The following IL17D variants were observed in gnomAD, a reference collection of about 807,000 sequenced individuals.
IL17D encodes interleukin-17D.
A neutral mutation model predicts 5.7 loss-of-function variants in IL17D; 10 were observed. That is an observed-to-expected ratio of 1.75 (90% CI 1.08 to 2.97). The LOEUF is 2.97. IL17D is among the 30% of genes most tolerant of loss of function. IL17D has a pLI of 0.00. For missense variants in IL17D, 354 were observed against 292.7 expected, an observed-to-expected ratio of 1.21 and a Z score of -1.53; for synonymous variants, 172 against 141.7, an observed-to-expected ratio of 1.21 and a Z score of -1.52.
intron 1 of IL17D, among the ~76,000 whole-genome samples, chr13:20,708,231 A>G (rs2058605515): frequency 6.6e-6 from 1 of 152,230 alleles, no homozygotes; most frequent in African/African-American, 2.4e-5. Context: ...AGTCAGAGAG[A>G]ATGCTGAGAA....
chr13:20,722,215 C>G lies in IL17D; in HGVS notation c.*261C>G. The G allele has an allele frequency of 2.1e-6, 1 of 469,740 alleles. No individual in the cohort carries two copies. The highest frequency in any genetic ancestry group is 3.6e-5 in the East Asian group (1 of 27,544). 29.1% of individuals were successfully genotyped at this position (469,740 alleles called of 1,614,324 possible). A position where few individuals can be genotyped will look rare whatever the true frequency, so the allele number is the denominator to read the frequency against. On this transcript the variant is annotated 3_prime_UTR_variant, in exon 2 of 2. Transcript: ENST00000682841. ...CGGCACGGGCATCCTGTGTGCGGCC[C>G]GCATGGAGGGTTTGGAAAAGTTCAC...
Position 20,722,027 on chromosome 13 carries a change from C to A in IL17D, c.*73C>A, listed in dbSNP as rs929836531. 2.6e-5 allele frequency: 34 copies of A among 1,304,182 alleles called. No individual in the cohort carries two copies. The highest frequency in any genetic ancestry group is 3.0e-5 in the African/African-American group (2 of 66,938). 80.8% of individuals were successfully genotyped at this position (1,304,182 alleles called of 1,614,324 possible). On this transcript the variant is annotated 3_prime_UTR_variant, in exon 2 of 2. Coordinates refer to ENST00000682841, the MANE Select transcript of IL17D (RefSeq NM_001385224.1). Reference sequence around the variant, plus strand: ...CCAAGCTGGAGCCGCCTGGAGGGCTCGGTCGGCGACCTCTGAAGAGAGTGC... The same window carrying A: ...CCAAGCTGGAGCCGCCTGGAGGGCTAGGTCGGCGACCTCTGAAGAGAGTGC...
At chr13:20,712,019 A>G (rs1021197578) in intron 1 of IL17D, among the ~76,000 whole-genome samples, 1 of 152,136 alleles carries the variant, frequency 6.6e-6, no homozygotes. Flanking sequence ...CCTGTTTCCC[A>G]TGTGGGCTGT....
In IL17D at chr13:20,721,288, G is replaced by C. The variant is rs190625326; in HGVS notation, c.291-348G>C. ...TCGGGGTCTGCAGAGCCTTGCCGGC[G>C]GGAAGCAGCGGCTCCGGGGCCCTAG... On this transcript the variant is annotated intron_variant, in intron 1 of 1. Transcript: ENST00000682841. Among the ~76,000 whole-genome samples, 533 of 152,320 alleles carry C rather than the reference G, an allele frequency of 3.5e-3. 13 individuals carry two copies. Among genetic ancestry groups the C allele is most frequent in the Admixed American group, 0.033 (499 of 15,306 alleles).
At chr13:20,710,028 A>C (rs1295231567) in intron 1 of IL17D, among the ~76,000 whole-genome samples, 1 of 152,166 alleles carries the variant, frequency 6.6e-6, no homozygotes, top group Non-Finnish European at 1.5e-5. Context: ...GACAGACAGG[A>C]AATAGTAGAG....
In IL17D at chr13:20,716,304, A is replaced by G. The variant is rs2058679045; in HGVS notation, c.291-5332A>G. Among the ~76,000 whole-genome samples, 1 of 152,082 alleles carries G rather than the reference A, an allele frequency of 6.6e-6. No individual in the cohort carries two copies. The highest frequency in any genetic ancestry group is 2.4e-5 in the African/African-American group (1 of 41,392). On this transcript the variant is annotated intron_variant, in intron 1 of 1. Transcript: ENST00000682841. The surrounding 1 kb of genome is among the most constrained non-coding windows in gnomAD (Gnocchi z 4.2). ...TTTCTTTTTCAAAATTGTCTTGAGTATTCTTGGCCCTTTTCTTCTCTCTCT... is the reference window on the plus strand; with the variant it reads ...TTTCTTTTTCAAAATTGTCTTGAGTGTTCTTGGCCCTTTTCTTCTCTCTCT...
intron 1 of IL17D, among the ~76,000 whole-genome samples, chr13:20,715,014 TGTG>T (rs1329565168): frequency 1.3e-5 from 2 of 152,200 alleles, no homozygotes; most frequent in Non-Finnish European, 2.9e-5. Flanking sequence ...GTGCTTCCAA[TGTG>T]GTGGTCCTGC....
At chr13:20,714,410 G>A (rs7988941) in intron 1 of IL17D, among the ~76,000 whole-genome samples, 4 of 152,176 alleles carry the variant, frequency 2.6e-5, no homozygotes, top group South Asian at 4.1e-4. Flanking sequence ...GCTTGGCTGT[G>A]GGGGGCAGTG....
At chr13:20,718,496 A>C (rs2058697845) in intron 1 of IL17D, among the ~76,000 whole-genome samples, 3 of 108,896 alleles carry the variant, frequency 2.8e-5, no homozygotes, top group Non-Finnish European at 3.9e-5. Context: ...GCCCCCACAC[A>C]CCTGCCCACA....
At chr13:20,712,252 TATA>T (rs1188199281) in intron 1 of IL17D, among the ~76,000 whole-genome samples, 5 of 152,100 alleles carry the variant, frequency 3.3e-5, no homozygotes, top group African/African-American at 1.2e-4. Context: ...AGATTAGGAG[TATA>T]ATGTTAGAGA....
At chr13:20,702,269 T>C (rs2058551903), upstream of IL17D, 1 of 152,228 alleles carries the variant, frequency 6.6e-6, no homozygotes, top group African/African-American at 2.4e-5. Flanking sequence ...ACTGGAGATT[T>C]CAGTGAGATT....
chr13:20,722,028 G>T lies in IL17D; in HGVS notation c.*74G>T. ...CAAGCTGGAGCCGCCTGGAGGGCTC[G>T]GTCGGCGACCTCTGAAGAGAGTGCA... On this transcript the variant is annotated 3_prime_UTR_variant, in exon 2 of 2. Coordinates refer to ENST00000682841, the MANE Select transcript of IL17D (RefSeq NM_001385224.1). The T allele has an allele frequency of 1.5e-6, 2 of 1,302,698 alleles. No individual in the cohort carries two copies. Among genetic ancestry groups the T allele is most frequent in the South Asian group, 3.0e-5 (2 of 66,760 alleles). The allele number at this position is 1,302,698 out of a possible 1,614,324, so 80.7% of individuals were successfully genotyped here. A position where few individuals can be genotyped will look rare whatever the true frequency, so the allele number is the denominator to read the frequency against.
Position 20,703,884 on chromosome 13 carries a change from C to A in IL17D, c.-118C>A. ...TCCTCCGGGCCGGCCTCTGGCTCCG[C>A]GGGGCGAGGGGAGGCGCCCGCCGGC... is the stretch of plus-strand genomic sequence containing the variant. On this transcript the variant is annotated 5_prime_UTR_variant, in exon 1 of 2. Transcript: ENST00000682841. 2.5e-6 allele frequency: 1 copy of A among 392,720 alleles called. No homozygotes were observed. The highest frequency in any genetic ancestry group is 3.4e-6 in the Non-Finnish European group (1 of 291,208). 24.3% of individuals were successfully genotyped at this position (392,720 alleles called of 1,614,324 possible).
intron 1 of IL17D, among the ~76,000 whole-genome samples, chr13:20,710,586 G>T (rs550540821): frequency 9.3e-5 from 12 of 128,508 alleles, no homozygotes; most frequent in Non-Finnish European, 1.6e-4. Context: ...CTGAGATCGC[G>T]CCACTGCACT....
At position 20,708,843 on chromosome 13, in the gene IL17D, CAA is replaced by C. The variant is rs10644027; in HGVS notation, c.290+4568_290+4569del. 1.9e-4 allele frequency among the ~76,000 whole-genome samples: 21 copies of C among 111,800 alleles called. 1 individual carries two copies. The highest frequency in any genetic ancestry group is 4.7e-4 in the African/African-American group (14 of 29,504). The allele number at this position is 111,800 out of a possible 152,430, so 73.3% of individuals were successfully genotyped here. A position where few individuals can be genotyped will look rare whatever the true frequency, so the allele number is the denominator to read the frequency against. Reference sequence around the variant, plus strand: ...TGAAACCCCATCTCTACTAAAAATACAAAAAAAAAAAAAAAAATTAGCCAGGA... The same window carrying C: ...TGAAACCCCATCTCTACTAAAAATACAAAAAAAAAAAAAAATTAGCCAGGA... On this transcript the variant is annotated intron_variant, in intron 1 of 1. Coordinates refer to ENST00000682841, the MANE Select transcript of IL17D (RefSeq NM_001385224.1).
intron 1 of IL17D, among the ~76,000 whole-genome samples, chr13:20,719,339 C>G (rs1449688488): frequency 6.8e-6 from 1 of 146,348 alleles, no homozygotes. Flanking sequence ...CCACACTCAC[C>G]CACACACACC....
chr13:20,702,276 G>C (rs2058551964), upstream of IL17D: 1 of 152,210 alleles, frequency 6.6e-6, no homozygotes, highest in African/African-American at 2.4e-5. Context: ...ATTTCAGTGA[G>C]ATTTTTAGCA....
At position 20,721,952 on chromosome 13, in the gene IL17D, T is replaced by C. The variant is rs764446957; in HGVS notation, c.607T>C (p.Ter203ArgextTer51). Residue 203 changes from the stop codon to arginine, a stop_lost, in exon 2 of 2, where the codon TGA becomes CGA. Coordinates refer to ENST00000682841, the MANE Select transcript of IL17D (RefSeq NM_001385224.1). ...LGPNDAPAGP[*>R] ...CCCCAACGACGCGCCCGCTGGCCCC[T>C]GAGGCCGGTCCTGCCCCGGGAGGTC... 2 of 1,590,310 alleles carry C rather than the reference T, an allele frequency of 1.3e-6. No homozygotes were observed. The highest frequency in any genetic ancestry group is 8.5e-7 in the Non-Finnish European group (1 of 1,172,546).
intron 1 of IL17D, among the ~76,000 whole-genome samples, chr13:20,714,576 G>A (rs75943605): frequency 6.6e-6 from 1 of 152,314 alleles, no homozygotes; most frequent in East Asian, 1.9e-4. Context: ...CAGAGGAGCC[G>A]GGTTCATTCT....
Sources: allele counts gnomAD v4.1 joint callset (sites outside exome capture counted in the v4.1 genomes callset), GRCh38; gene constraint gnomAD v4.1.1; non-coding constraint Gnocchi (gnomAD v3.1); transcripts MANE v1.5; gene names NCBI Gene and HGNC (gene_info 2026-07-23, HGNC 2026-07-21).